The following ST7L variants were observed in gnomAD, a reference collection of about 807,000 sequenced individuals.
ST7L encodes the protein suppressor of tumorigenicity 7 protein-like.
In ST7L, 57 loss-of-function variants were observed where a neutral mutation model predicts 72.5. That is an observed-to-expected ratio of 0.79 (90% CI 0.64 to 0.98). The LOEUF (loss-of-function observed/expected upper bound fraction) is 0.98, where lower values mean the gene tolerates loss of function less well. Among genes scored for constraint, ST7L ranks in the 50% least tolerant of loss-of-function variants. The pLI, the probability that ST7L is intolerant of heterozygous loss-of-function variation, is 0.00. For missense variants in ST7L, 576 were observed against 672.2 expected (o/e 0.86, Z 1.58); for synonymous variants, 221 against 240.9 (o/e 0.92, Z 0.77).
chr1:112,550,795 T>C, intron 12 of ST7L, 102 bp from the exon 13 acceptor site: 1 of 860,344 alleles, frequency 1.2e-6, no homozygotes, highest in South Asian at 1.7e-5. Context: ...ATTTTCTTTT[T>C]TTAGTGAGAC....
At chr1:112,616,612 C>T (rs907787842) in intron 2 of ST7L, among the ~76,000 whole-genome samples, 5 of 151,682 alleles carry the variant, frequency 3.3e-5, no homozygotes, top group African/African-American at 9.7e-5. Context: ...GCATGGTGGC[C>T]GGCACCTGTA....
At chr1:112,533,947 T>C (rs959704594) in intron 14 of ST7L, among the ~76,000 whole-genome samples, 1 of 152,236 alleles carries the variant, frequency 6.6e-6, no homozygotes, top group Non-Finnish European at 1.5e-5. Flanking sequence ...CCCAAAGTGC[T>C]GGGATTACAG....
At chr1:112,522,836 T>C (rs1652956475), downstream of ST7L, 1 of 152,172 alleles carries the variant, frequency 6.6e-6, no homozygotes, top group African/African-American at 2.4e-5. Flanking sequence ...AATGTCTTCC[T>C]TCAGAATGGA....
intron 14 of ST7L, chr1:112,528,971 T>A (rs781136867): frequency 4.6e-5 from 7 of 152,202 alleles, no homozygotes; most frequent in African/African-American, 7.2e-5. Context: ...TAGGTGTCTA[T>A]TTTCCTGCAT....
At chr1:112,592,538 C>T (rs1571211459) in intron 5 of ST7L, among the ~76,000 whole-genome samples, 1 of 152,318 alleles carries the variant, frequency 6.6e-6, no homozygotes, top group East Asian at 1.9e-4. Flanking sequence ...TGATGAAAGT[C>T]AGCACCCATC....
chr1:112,557,731 G>A (rs1420814978), intron 11 of ST7L, among the ~76,000 whole-genome samples: 2 of 152,184 alleles, frequency 1.3e-5, no homozygotes, highest in East Asian at 3.8e-4. Flanking sequence ...ATGTGGATGA[G>A]TGGACTGGGG....
At chr1:112,553,176 C>T (rs1658516223) in intron 12 of ST7L, among the ~76,000 whole-genome samples, 1 of 151,976 alleles carries the variant, frequency 6.6e-6, no homozygotes, top group Non-Finnish European at 1.5e-5. Context: ...AGTTGAATTA[C>T]TCAAAGACAT....
rs562909633 is a variant in ST7L at position 112,568,863 on chromosome 1, T to TATAAATAA, written c.1245+8122_1245+8123insTTATTTAT. Reference sequence around the variant, plus strand: ...TGTTTTTTATAAATATAAATATAAATATATATATATATATATATATATATA... The same window carrying TATAAATAA: ...TGTTTTTTATAAATATAAATATAAATATAAATAAATATATATATATATATATATATATA... On this transcript the variant is annotated intron_variant, in intron 11 of 14. Coordinates refer to ENST00000358039, the MANE Select transcript of ST7L (RefSeq NM_017744.5). Among the ~76,000 whole-genome samples the TATAAATAA allele has an allele frequency of 2.4e-3, 202 of 83,308 alleles. 1 individual carries two copies. The highest frequency in any genetic ancestry group is 0.021 in the South Asian group (70 of 3,410). 54.7% of individuals were successfully genotyped at this position (83,308 alleles called of 152,430 possible).
intron 5 of ST7L, among the ~76,000 whole-genome samples, chr1:112,595,136 G>C (rs935950044): frequency 2.6e-5 from 4 of 151,912 alleles, no homozygotes; most frequent in African/African-American, 7.3e-5. Flanking sequence ...AAGACCAAGG[G>C]GGGGCGGATC....
intron 14 of ST7L, chr1:112,530,229 A>G (rs964155221): frequency 1.3e-5 from 2 of 152,240 alleles, no homozygotes; most frequent in African/African-American, 4.8e-5. Flanking sequence ...CTACTGCAAC[A>G]CTAGTTTAAT....
intron 5 of ST7L, among the ~76,000 whole-genome samples, 183 bp downstream of exon 5, chr1:112,597,788 A>G (rs11102507): frequency 1.4e-3 from 213 of 152,340 alleles, no homozygotes; most frequent in African/African-American, 4.8e-3. Context: ...AATTCTTTAT[A>G]AGGAAAAGCA....
chr1:112,529,943 A>G (rs1488834386), intron 14 of ST7L: 4 of 152,176 alleles, frequency 2.6e-5, no homozygotes, highest in African/African-American at 9.7e-5. Context: ...GCTCCCTACC[A>G]CCCAGAAATA....
At chr1:112,556,609 A>G (rs765535680) in intron 11 of ST7L, among the ~76,000 whole-genome samples, 4 of 152,198 alleles carry the variant, frequency 2.6e-5, no homozygotes, top group African/African-American at 4.8e-5. Flanking sequence ...GGAGCTACAT[A>G]ATGCAATGGA....
At chr1:112,601,144 C>A (rs1667319491) in intron 3 of ST7L, among the ~76,000 whole-genome samples, 1 of 152,160 alleles carries the variant, frequency 6.6e-6, no homozygotes, top group Non-Finnish European at 1.5e-5. Context: ...TTTTTCTATT[C>A]CTAGAACCAA....
chr1:112,599,789 A>C (rs1179364402), intron 4 of ST7L, among the ~76,000 whole-genome samples: 2 of 152,210 alleles, frequency 1.3e-5, no homozygotes, highest in Non-Finnish European at 2.9e-5. Context: ...TACATACTTA[A>C]ATGTATACAA....
chr1:112,581,143 A>G (rs1182006964), intron 9 of ST7L, among the ~76,000 whole-genome samples: 2 of 152,190 alleles, frequency 1.3e-5, no homozygotes, highest in Admixed American at 6.5e-5. Flanking sequence ...CGATCATATT[A>G]TCATTGAACT....
intron 3 of ST7L, chr1:112,610,601 G>C (rs1668926403): frequency 1.2e-5 from 5 of 411,322 alleles, no homozygotes; most frequent in Non-Finnish European, 1.7e-5. Context: ...CACGGTAGAA[G>C]TGGCAAGCAG....
At chr1:112,563,110 A>G (rs1660445479) in intron 11 of ST7L, among the ~76,000 whole-genome samples, 1 of 150,898 alleles carries the variant, frequency 6.6e-6, no homozygotes, top group Non-Finnish European at 1.5e-5. Flanking sequence ...AATAATAATA[A>G]TAATAATAAT....
At position 112,555,940 on chromosome 1, in the gene ST7L, C is replaced by T. The variant is rs773186595; in HGVS notation, c.1324G>A (p.Ala442Thr). The T allele has an allele frequency of 6.2e-7, 1 of 1,612,494 alleles. No homozygotes were observed. Among genetic ancestry groups the T allele is most frequent in the Non-Finnish European group, 8.5e-7 (1 of 1,179,102 alleles). ...TTCCAGTGCTGAAGATGAAAGAAAG[C>T]ATAGGCAATTGCTTCACTATCACCC... ...KRGDSEAIAY[A>T]FFHLQHWKRI... Residue 442 changes from alanine to threonine, a missense_variant, in exon 12 of 15, where the codon GCT becomes ACT. Physicochemically the swap from Ala to Thr is moderately conservative, Grantham distance 58. Transcript: ENST00000358039.
Sources: allele counts gnomAD v4.1 joint callset (sites outside exome capture counted in the v4.1 genomes callset), GRCh38; gene constraint gnomAD v4.1.1; transcripts MANE v1.5; gene names NCBI Gene and HGNC (gene_info 2026-07-23, HGNC 2026-07-21).